SLC14A2: variants seen among roughly 807,000 people sequenced by gnomAD.
SLC14A2 encodes the protein solute carrier family 14 member 2.
SLC14A2 carries 91 observed loss-of-function variants against 104.6 expected under a neutral mutation model. That is an observed-to-expected ratio of 0.87 (90% CI 0.73 to 1.04). SLC14A2 has a LOEUF of 1.04. SLC14A2 is among the 50% of genes least tolerant of loss of function. The pLI is 0.00. For missense variants in SLC14A2, 1,189 were observed against 1,156.0 expected (o/e 1.03, Z -0.41); for synonymous variants, 476 against 466.4 (o/e 1.02, Z -0.27).
intron 2 of SLC14A2, among the ~76,000 whole-genome samples, chr18:45,530,052 C>T (rs2043658690): frequency 6.6e-6 from 1 of 152,092 alleles, no homozygotes; most frequent in African/African-American, 2.4e-5. Flanking sequence ...TGTTCAAGGA[C>T]TCGTTAGGAA....
intron 2 of SLC14A2, among the ~76,000 whole-genome samples, chr18:45,563,994 AAC>A (rs1421595439): frequency 6.6e-6 from 1 of 152,226 alleles, no homozygotes; most frequent in Non-Finnish European, 1.5e-5. Context: ...GAAACTTACT[AAC>A]CAGATTGTCA....
At chr18:45,301,477 T>C (rs1857249100) in intron 1 of SLC14A2, among the ~76,000 whole-genome samples, 1 of 152,192 alleles carries the variant, frequency 6.6e-6, no homozygotes, top group South Asian at 2.1e-4. Flanking sequence ...CAGAACCATG[T>C]CAGGCCTGTG....
At chr18:45,499,208 CA>C (rs1453566456) in intron 2 of SLC14A2, among the ~76,000 whole-genome samples, 1 of 152,134 alleles carries the variant, frequency 6.6e-6, no homozygotes, top group Non-Finnish European at 1.5e-5. Context: ...AGAGTCTCCC[CA>C]AAATGTCATT....
chr18:45,569,859 C>G (rs572017427), intron 2 of SLC14A2, among the ~76,000 whole-genome samples: 74 of 152,292 alleles, frequency 4.9e-4, no homozygotes, highest in Non-Finnish European at 8.5e-4. Flanking sequence ...TTGGGCTAGT[C>G]ACATTCTTTC....
At position 45,498,742 on chromosome 18, in the gene SLC14A2, AAGAG is replaced by A. The variant is rs530968244; in HGVS notation, c.-35+15428_-35+15431del. Among the ~76,000 whole-genome samples, 14 of 152,232 alleles carry A rather than the reference AAGAG, an allele frequency of 9.2e-5. No individual in the cohort carries two copies. The East Asian group carries it at 1.9e-3, about 21-fold the overall frequency. ...CCTCCCATTTTAAGGGAAAGAAAAA[AAGAG>A]AGAGAGAACTTTCCTTGGTCCTGCT... On this transcript the variant is annotated intron_variant, in intron 2 of 20. Transcript: ENST00000586448.
At chr18:45,400,848 CATT>C (rs1170214018) in intron 1 of SLC14A2, among the ~76,000 whole-genome samples, 3 of 152,156 alleles carry the variant, frequency 2.0e-5, no homozygotes, top group African/African-American at 7.2e-5. Context: ...TTGTTTCTAT[CATT>C]ATTTGCTTTG....
chr18:45,624,411 T>G (rs2045226109), intron 1 of SLC14A2, among the ~76,000 whole-genome samples: 1 of 152,170 alleles, frequency 6.6e-6, no homozygotes, highest in African/African-American at 2.4e-5. Flanking sequence ...CAGGGATATC[T>G]TCATCGGCCA....
At chr18:45,496,741 C>G (rs886140202) in intron 2 of SLC14A2, among the ~76,000 whole-genome samples, 4 of 152,158 alleles carry the variant, frequency 2.6e-5, no homozygotes, top group African/African-American at 7.2e-5. Flanking sequence ...CAAGATTGCA[C>G]CACTGCACTA....
chr18:45,233,890 T>C (rs1241401977), intron 1 of SLC14A2, among the ~76,000 whole-genome samples: 2 of 151,742 alleles, frequency 1.3e-5, no homozygotes, highest in Non-Finnish European at 2.9e-5. Flanking sequence ...CATTTGCCTC[T>C]GTGTTTTTTT....
intron 1 of SLC14A2, among the ~76,000 whole-genome samples, chr18:45,363,178 C>G (rs1226761843): frequency 6.6e-6 from 1 of 152,106 alleles, no homozygotes. Context: ...TTTATCGCTT[C>G]CATTTTCTGA....
intron 1 of SLC14A2, among the ~76,000 whole-genome samples, chr18:45,296,257 G>C (rs1016743671): frequency 6.6e-6 from 1 of 152,134 alleles, no homozygotes; most frequent in African/African-American, 2.4e-5. Context: ...GGGAACCTCC[G>C]AGTTCATTCC....
intron 19 of SLC14A2, among the ~76,000 whole-genome samples, chr18:45,680,222 G>A (rs985370855): frequency 1.3e-5 from 2 of 152,134 alleles, no homozygotes; most frequent in African/African-American, 2.4e-5. Flanking sequence ...CACTAAATCC[G>A]TGCCATGTGC....
chr18:45,597,252 A>G (rs983365144), intron 2 of SLC14A2, among the ~76,000 whole-genome samples: 4 of 152,074 alleles, frequency 2.6e-5, no homozygotes, highest in Admixed American at 6.6e-5. Context: ...GCTTGAACCC[A>G]GGAGGAAAAG....
At chr18:45,282,282 C>T (rs1201065335) in intron 1 of SLC14A2, among the ~76,000 whole-genome samples, 1 of 152,110 alleles carries the variant, frequency 6.6e-6, no homozygotes, top group Admixed American at 6.5e-5. Context: ...AGACCAGCAG[C>T]TGGGGTGCTT....
chr18:45,328,768 T>A (rs921296296), intron 1 of SLC14A2, among the ~76,000 whole-genome samples: 2 of 152,204 alleles, frequency 1.3e-5, no homozygotes, highest in African/African-American at 4.8e-5. Context: ...CAATTGGTTT[T>A]TATGAAAAGC....
chr18:45,310,020 T>C (rs1259901512), intron 1 of SLC14A2, among the ~76,000 whole-genome samples: 1 of 152,134 alleles, frequency 6.6e-6, no homozygotes, highest in East Asian at 1.9e-4. Flanking sequence ...TTGAGATTCA[T>C]CCATATCGAT....
intron 19 of SLC14A2, among the ~76,000 whole-genome samples, chr18:45,680,282 C>T (rs1157156648): frequency 6.6e-6 from 1 of 152,204 alleles, no homozygotes; most frequent in Non-Finnish European, 1.5e-5. Context: ...AGCTGCGATT[C>T]CTGATCATGG....
intron 2 of SLC14A2, among the ~76,000 whole-genome samples, chr18:45,561,592 AT>A (rs1004776675): frequency 3.4e-4 from 52 of 152,230 alleles, no homozygotes; most frequent in African/African-American, 1.2e-3. Flanking sequence ...GAAATAGTGA[AT>A]GTTAACCTTC....
intron 10 of SLC14A2, among the ~76,000 whole-genome samples, chr18:45,649,240 C>T (rs1397384039): frequency 6.6e-6 from 1 of 152,186 alleles, no homozygotes; most frequent in South Asian, 2.1e-4. Flanking sequence ...ATGAAAAATA[C>T]TTTTCCCTGA....
Sources: allele counts gnomAD v4.1 joint callset (sites outside exome capture counted in the v4.1 genomes callset), GRCh38; gene constraint gnomAD v4.1.1; transcripts MANE v1.5; gene names NCBI Gene and HGNC (gene_info 2026-07-23, HGNC 2026-07-21).